The following NRDE2 variants were observed in gnomAD, a reference collection of about 807,000 sequenced individuals.
NRDE2 encodes nuclear exosome regulator NRDE2.
Under a neutral mutation model 124.2 loss-of-function variants are expected in NRDE2, and 76 were observed. That is an observed-to-expected ratio of 0.61 (90% confidence interval 0.51 to 0.74). The LOEUF (loss-of-function observed/expected upper bound fraction) is 0.74. NRDE2 is among the 30% of genes least tolerant of loss of function. NRDE2 has a pLI of 0.00. For missense variants in NRDE2, 1,314 were observed against 1,417.3 expected, an observed-to-expected ratio of 0.93 and a Z score of 1.17; for synonymous variants, 489 against 528.1, an observed-to-expected ratio of 0.93 and a Z score of 1.01.
In NRDE2 at chr14:90,273,984, T is replaced by TA. The variant is rs1891733717; in HGVS notation, c.*4351_*4352insT. 1 of 69,980 alleles carries TA rather than the reference T, an allele frequency of 1.4e-5. No homozygotes were observed. Among genetic ancestry groups the TA allele is most frequent in the South Asian group, 4.8e-4 (1 of 2,088 alleles). The allele number at this position is 69,980 out of a possible 1,614,324, so 4.3% of individuals were successfully genotyped here. ...TTCCCTGTTTTAAAGTTTACAATCTTCTTAATTTTTATCTGCAAAGTTCCT... is the reference window on the plus strand; with the variant it reads ...TTCCCTGTTTTAAAGTTTACAATCTTACTTAATTTTTATCTGCAAAGTTCCT... On this transcript the variant is annotated 3_prime_UTR_variant, in exon 14 of 14. Coordinates refer to ENST00000354366, the MANE Select transcript of NRDE2 (RefSeq NM_017970.4).
Position 90,317,851 on chromosome 14 carries a change from A to G in NRDE2, c.173+154T>C, listed in dbSNP as rs920039223. ...AAGCAAAGAAAAAAAAAAGAATACAAGAGGTAAGGGAAAATAGTCAAAGAT... is the reference window on the plus strand; with the variant it reads ...AAGCAAAGAAAAAAAAAAGAATACAGGAGGTAAGGGAAAATAGTCAAAGAT... On this transcript the variant is annotated intron_variant, in intron 2 of 13. Coordinates refer to ENST00000354366, the MANE Select transcript of NRDE2 (RefSeq NM_017970.4). 5 of 562,382 alleles carry G rather than the reference A, an allele frequency of 8.9e-6. No individual in the cohort carries two copies. In the African/African-American group the frequency reaches 9.6e-5, roughly 11 times the overall value. The allele number at this position is 562,382 out of a possible 1,614,324, so 34.8% of individuals were successfully genotyped here. A position where few individuals can be genotyped will look rare whatever the true frequency, so the allele number is the denominator to read the frequency against.
At chr14:90,328,436 G>T (rs983678179) in intron 1 of NRDE2, among the ~76,000 whole-genome samples, 2 of 151,942 alleles carry the variant, frequency 1.3e-5, no homozygotes, top group Non-Finnish European at 2.9e-5. Flanking sequence ...GATATAATTA[G>T]AAAACAACCA....
intron 7 of NRDE2, among the ~76,000 whole-genome samples, chr14:90,300,489 C>T (rs1222058090): frequency 6.6e-6 from 1 of 152,030 alleles, no homozygotes. Flanking sequence ...GACATCTTTA[C>T]AGAGTAGAAA....
At position 90,278,378 on chromosome 14, in the gene NRDE2, C is replaced by T. The variant is rs1343461790; in HGVS notation, c.3453G>A (p.Val1151=). The change falls in exon 14 of 14, where the codon GTG becomes GTA. Residue 1151 remains valine (V), a synonymous_variant. Transcript: ENST00000354366. ...LDLMTEKELR[V]RLPLEELELL... The stretch of plus-strand genomic sequence containing the variant: ...GCTCCAGCTCCTCCAGCGGCAGGCG[C>T]ACCCGGAGCTCCTTCTCAGTCATCA... 6.2e-7 allele frequency: 1 copy of T among 1,614,116 alleles called. No homozygotes were observed. The highest frequency in any genetic ancestry group is 8.5e-7 in the Non-Finnish European group (1 of 1,180,026).
chr14:90,292,233 G>A (rs929304942), intron 9 of NRDE2, among the ~76,000 whole-genome samples: 7 of 152,218 alleles, frequency 4.6e-5, no homozygotes, highest in African/African-American at 1.7e-4. Context: ...CCTACGGCCA[G>A]TCCCTCTTGT....
At chr14:90,318,847 C>G (rs145603718) in intron 1 of NRDE2, among the ~76,000 whole-genome samples, 2 of 152,184 alleles carry the variant, frequency 1.3e-5, no homozygotes, top group East Asian at 3.9e-4. Context: ...CATAAAAGCC[C>G]ACCATGCTTA....
chr14:90,294,352 G>A (rs1220814625), intron 8 of NRDE2, among the ~76,000 whole-genome samples: 1 of 151,586 alleles, frequency 6.6e-6, no homozygotes, highest in Non-Finnish European at 1.5e-5. Flanking sequence ...TTCCACTGCT[G>A]AATATCTACC....
At position 90,288,851 on chromosome 14, in the gene NRDE2, C is replaced by A; in HGVS notation, c.2524G>T (p.Ala842Ser). The change falls in exon 11 of 14, where the codon GCC becomes TCC. Residue 842 changes from alanine to serine, a missense_variant. By Grantham distance (99) the Ala-to-Ser change is moderately conservative (BLOSUM62 1). Transcript: ENST00000354366. ...VELSPEVRRA[A>S]TARAVHILTK... is the part of the protein sequence containing the mutation. ...AATATGTGAACAGCTCGAGCTGTGG[C>A]AGCCCTTCTCACTTCTGGCGACAGC... 1.2e-6 allele frequency: 2 copies of A among 1,614,134 alleles called. No homozygotes were observed. Among genetic ancestry groups the A allele is most frequent in the Middle Eastern group, 3.3e-4 (2 of 6,062 alleles).
At position 90,272,869 on chromosome 14, in the gene NRDE2, CT is replaced by C. The variant is rs780969852; in HGVS notation, c.*5466del. The C allele has an allele frequency of 3.7e-3, 568 of 153,122 alleles. 2 individuals carry two copies. Among genetic ancestry groups the C allele is most frequent in the African/African-American group, 0.013 (532 of 41,576 alleles). The allele number at this position is 153,122 out of a possible 1,614,324, so 9.5% of individuals were successfully genotyped here. A position where few individuals can be genotyped will look rare whatever the true frequency, so the allele number is the denominator to read the frequency against. ...AATAATAAAGGCTGCGTTAATGTGG[CT>C]ATTGCTTCCAAAGGAAGTACAGCTT... is the stretch of plus-strand genomic sequence containing the variant. On this transcript the variant is annotated 3_prime_UTR_variant, in exon 14 of 14. Coordinates refer to ENST00000354366, the MANE Select transcript of NRDE2 (RefSeq NM_017970.4). The surrounding 1 kb of genome is among the most constrained non-coding windows in gnomAD (Gnocchi z 4.5).
Position 90,276,253 on chromosome 14 carries a change from G to A in NRDE2, c.*2083C>T, listed in dbSNP as rs1013827883. The A allele has an allele frequency of 1.5e-5, 2 of 131,206 alleles. No individual in the cohort carries two copies. The highest frequency in any genetic ancestry group is 3.1e-5 in the Non-Finnish European group (2 of 64,590). 8.1% of individuals were successfully genotyped at this position (131,206 alleles called of 1,614,324 possible). On this transcript the variant is annotated 3_prime_UTR_variant, in exon 14 of 14. Transcript: ENST00000354366. ...TTTTTTTTCGAGACGGAGTCTTGCT[G>A]TGTCGCCCAGGCTGGAGTGCAGTGG...
intron 12 of NRDE2, 105 bp from the exon 13 acceptor site, chr14:90,279,238 C>T: frequency 1.2e-6 from 1 of 858,088 alleles, no homozygotes. Context: ...CTGCAGTGAG[C>T]CCACCTGTGC....
chr14:90,328,466 T>C (rs1025909793), intron 1 of NRDE2, among the ~76,000 whole-genome samples: 6 of 152,074 alleles, frequency 3.9e-5, no homozygotes, highest in Non-Finnish European at 7.4e-5. Flanking sequence ...CTCAATGAAA[T>C]AATAATGAAC....
In NRDE2 at chr14:90,278,257, A is replaced by T. The variant is rs1057478946; in HGVS notation, c.*79T>A. On this transcript the variant is annotated 3_prime_UTR_variant, in exon 14 of 14. Transcript: ENST00000354366. ...CAAAAGCCGAGTTCTCCTAACACACACGTTCTCTGCTCGCGCCTCCTAGCT... is the reference window on the plus strand; with the variant it reads ...CAAAAGCCGAGTTCTCCTAACACACTCGTTCTCTGCTCGCGCCTCCTAGCT... 2.6e-6 allele frequency: 4 copies of T among 1,562,576 alleles called. No homozygotes were observed. The highest frequency in any genetic ancestry group is 3.5e-6 in the Non-Finnish European group (4 of 1,137,420).
intron 1 of NRDE2, among the ~76,000 whole-genome samples, chr14:90,329,961 C>T (rs1461041103): frequency 2.0e-5 from 3 of 151,716 alleles, no homozygotes; most frequent in African/African-American, 7.3e-5. Context: ...AATCCCAGCA[C>T]TTTGGGAGGC....
rs1891791541 is a variant in NRDE2, at chr14:90,275,839, C to T, written c.*2497G>A. 2 of 152,302 alleles carry T rather than the reference C, an allele frequency of 1.3e-5. No homozygotes were observed. 9.4% of individuals were successfully genotyped at this position (152,302 alleles called of 1,614,324 possible). A position where few individuals can be genotyped will look rare whatever the true frequency, so the allele number is the denominator to read the frequency against. ...TTAAGGTGAACTCTCCCATCACTCC[C>T]TCTGCAGCAAGCCTATCTTCACTTT... is the stretch of plus-strand genomic sequence containing the variant. On this transcript the variant is annotated 3_prime_UTR_variant, in exon 14 of 14. Transcript: ENST00000354366.
At chr14:90,326,470 C>T (rs1178452706) in intron 1 of NRDE2, among the ~76,000 whole-genome samples, 4 of 141,092 alleles carry the variant, frequency 2.8e-5, no homozygotes, top group Admixed American at 7.6e-5. Flanking sequence ...GTCTGCAGTC[C>T]GGCCTGGGCG....
intron 1 of NRDE2, among the ~76,000 whole-genome samples, chr14:90,321,587 A>C (rs931590221): frequency 1.3e-5 from 2 of 151,756 alleles, no homozygotes; most frequent in African/African-American, 4.8e-5. Context: ...AAAAAGAAAG[A>C]AAGCTCTTGG....
Position 90,272,662 on chromosome 14 carries a change from TCAA to T in NRDE2, c.*5671_*5673del, listed in dbSNP as rs1437370064. ...TGCAGTCTCCACACACACCTACCGCTCAACAGCAGCCTGTGGGTGGACCCAGCT... is the reference window on the plus strand; with the variant it reads ...TGCAGTCTCCACACACACCTACCGCTCAGCAGCCTGTGGGTGGACCCAGCT... On this transcript the variant is annotated 3_prime_UTR_variant, in exon 14 of 14. Coordinates refer to ENST00000354366, the MANE Select transcript of NRDE2 (RefSeq NM_017970.4). The surrounding 1 kb of genome is among the most constrained non-coding windows in gnomAD (Gnocchi z 4.5). The T allele has an allele frequency of 3.1e-6, 1 of 321,220 alleles. No individual in the cohort carries two copies. Among genetic ancestry groups the T allele is most frequent in the Non-Finnish European group, 6.0e-6 (1 of 165,652 alleles). The allele number at this position is 321,220 out of a possible 1,614,324, so 19.9% of individuals were successfully genotyped here. A position where few individuals can be genotyped will look rare whatever the true frequency, so the allele number is the denominator to read the frequency against.
In NRDE2 at chr14:90,278,370, G is replaced by C. The variant is rs781279325; in HGVS notation, c.3461C>G (p.Pro1154Arg). 3.1e-6 allele frequency: 5 copies of C among 1,613,928 alleles called. No individual in the cohort carries two copies. In the African/African-American group the frequency reaches 6.7e-5, roughly 22 times the overall value. Residue 1154 changes from proline to arginine, a missense_variant, in exon 14 of 14, where the codon CCG (proline) becomes CGG (arginine). Pro to Arg is a moderately radical substitution (Grantham distance 103). Coordinates refer to ENST00000354366, the MANE Select transcript of NRDE2 (RefSeq NM_017970.4). The stretch of plus-strand genomic sequence containing the variant: ...CAGCAGCAGCTCCAGCTCCTCCAGC[G>C]GCAGGCGCACCCGGAGCTCCTTCTC... Reference protein sequence around the residue: ...MTEKELRVRLPLEELELLLED With the variant: ...MTEKELRVRLRLEELELLLED
Sources: allele counts gnomAD v4.1 joint callset (sites outside exome capture counted in the v4.1 genomes callset), GRCh38; gene constraint gnomAD v4.1.1; non-coding constraint Gnocchi (gnomAD v3.1); transcripts MANE v1.5; gene names NCBI Gene and HGNC (gene_info 2026-07-23, HGNC 2026-07-21).